PDE1C: variants seen among roughly 807,000 people sequenced by gnomAD.
The protein encoded by PDE1C is dual specificity calcium/calmodulin-dependent 3',5'-cyclic nucleotide phosphodiesterase 1C.
A neutral mutation model predicts 93.1 loss-of-function variants in PDE1C; 62 were observed. The ratio of observed to expected loss-of-function variants is 0.67; its 90% CI spans 0.54 to 0.82. PDE1C has a LOEUF of 0.82. Ranked by LOEUF, PDE1C falls within the 40% of genes least tolerant of loss-of-function variation. The pLI is 0.00. For synonymous variants in PDE1C, 325 were observed against 310.1 expected, an observed-to-expected ratio of 1.05 and a Z score of -0.50; for missense variants, 742 against 884.6, an observed-to-expected ratio of 0.84 and a Z score of 2.04.
intron 1 of PDE1C, among the ~76,000 whole-genome samples, chr7:32,244,251 TG>T (rs1808751616): frequency 6.6e-6 from 1 of 152,084 alleles, no homozygotes; most frequent in African/African-American, 2.4e-5. Flanking sequence ...TAGAGGTAGT[TG>T]GGGATGTAGT....
chr7:31,774,544 T>G (rs529002457), intron 17 of PDE1C, among the ~76,000 whole-genome samples: 86 of 152,212 alleles, frequency 5.7e-4, no homozygotes, highest in Non-Finnish European at 1.0e-3. Context: ...CTATGGTAAA[T>G]CCGTACTTAC....
chr7:32,283,306 T>C (rs1208935714), intron 1 of PDE1C, among the ~76,000 whole-genome samples: 2 of 152,136 alleles, frequency 1.3e-5, no homozygotes, highest in Non-Finnish European at 2.9e-5. Flanking sequence ...TTTGAAAAAA[T>C]AGTAATAAAT....
chr7:32,340,139 A>T (rs1243034766), intron 1 of PDE1C, among the ~76,000 whole-genome samples: 1 of 152,146 alleles, frequency 6.6e-6, no homozygotes, highest in Non-Finnish European at 1.5e-5. Flanking sequence ...AGCATTAAAT[A>T]TGTGAGTTGG....
chr7:32,313,156 C>T (rs1251459376), intron 1 of PDE1C, among the ~76,000 whole-genome samples: 1 of 152,084 alleles, frequency 6.6e-6, no homozygotes, highest in Non-Finnish European at 1.5e-5. Context: ...TGAAAAAATG[C>T]TCATCTTCAC....
At chr7:31,892,582 G>A (rs1353003277) in intron 2 of PDE1C, among the ~76,000 whole-genome samples, 1 of 152,102 alleles carries the variant, frequency 6.6e-6, no homozygotes, top group African/African-American at 2.4e-5. Context: ...ATGGCAGGCT[G>A]GCCATGAAGG....
rs535639586 is a variant in PDE1C, at chr7:32,355,431, A to G, written c.310+72391T>C. ...CTAGGTTGAGAGGGTTTTGACTGAA[A>G]CCAAAGAGAAGGCATCGTGGCACAC... On this transcript the variant is annotated intron_variant, in intron 1 of 1. Coordinates refer to the PDE1C transcript ENST00000672256. 1.7e-3 allele frequency among the ~76,000 whole-genome samples: 266 copies of G among 152,244 alleles called. 4 individuals are homozygous for G. The highest frequency in any genetic ancestry group is 2.4e-3 in the Non-Finnish European group (165 of 68,014).
At chr7:32,198,976 C>T (rs1427917481) in intron 2 of PDE1C, among the ~76,000 whole-genome samples, 5 of 151,794 alleles carry the variant, frequency 3.3e-5, no homozygotes, top group South Asian at 2.1e-4. Context: ...TACAACAATT[C>T]GCCGGGCATG....
intron 16 of PDE1C, among the ~76,000 whole-genome samples, chr7:31,807,467 C>A (rs879745232): frequency 6.6e-6 from 1 of 151,614 alleles, no homozygotes; most frequent in Admixed American, 6.6e-5. Context: ...TTACAAAGGG[C>A]GCAGTTAAAA....
At chr7:31,628,529 C>T in the PDE1C span, among the ~76,000 whole-genome samples, 1 of 151,446 alleles carries the variant, frequency 6.6e-6, no homozygotes, top group Non-Finnish European at 1.5e-5. Flanking sequence ...GCGACCTCAG[C>T]TCACTGCAAG....
the PDE1C span, among the ~76,000 whole-genome samples, chr7:31,672,907 G>A: frequency 6.6e-6 from 1 of 152,188 alleles, no homozygotes; most frequent in African/African-American, 2.4e-5. Flanking sequence ...TGCTGTTCTT[G>A]TGATACTGAG....
chr7:31,856,720 G>T (rs1325236152), intron 7 of PDE1C, among the ~76,000 whole-genome samples: 1 of 143,748 alleles, frequency 7.0e-6, no homozygotes, highest in Non-Finnish European at 1.5e-5. Flanking sequence ...TATTGTAGAA[G>T]CATGCCTAAT....
chr7:31,760,776 A>ACG (rs929087424), intron 17 of PDE1C, among the ~76,000 whole-genome samples: 3 of 151,892 alleles, frequency 2.0e-5, no homozygotes, highest in Non-Finnish European at 4.4e-5. Flanking sequence ...ACACACACAC[A>ACG]CACACACACA....
the PDE1C span, among the ~76,000 whole-genome samples, chr7:31,646,416 C>T: frequency 1.3e-5 from 2 of 152,260 alleles, no homozygotes; most frequent in East Asian, 3.9e-4. Flanking sequence ...AGAAGGATTG[C>T]AGCTTCTCCG....
At chr7:32,417,108 C>G (rs1174381106) in intron 1 of PDE1C, among the ~76,000 whole-genome samples, 1 of 152,062 alleles carries the variant, frequency 6.6e-6, no homozygotes. Flanking sequence ...TCAAAAGGAC[C>G]AAAGCTGCGA....
intron 2 of PDE1C, among the ~76,000 whole-genome samples, chr7:31,956,285 G>T (rs1307780528): frequency 6.6e-6 from 1 of 151,948 alleles, no homozygotes; most frequent in Non-Finnish European, 1.5e-5. Flanking sequence ...GTAGAGATGG[G>T]GTTTCACCAT....
intron 1 of PDE1C, among the ~76,000 whole-genome samples, chr7:32,362,297 G>A (rs1784151687): frequency 1.3e-5 from 2 of 152,060 alleles, no homozygotes; most frequent in South Asian, 4.1e-4. Context: ...GGGAGAATCT[G>A]GCTATCTTTC....
chr7:32,314,123 G>T (rs1783116817), intron 1 of PDE1C, among the ~76,000 whole-genome samples: 1 of 151,890 alleles, frequency 6.6e-6, no homozygotes, highest in East Asian at 1.9e-4. Context: ...TTTTTATGTG[G>T]CTTATTGTTG....
At chr7:31,808,621 A>G (rs1488106131) in intron 16 of PDE1C, among the ~76,000 whole-genome samples, 5 of 151,904 alleles carry the variant, frequency 3.3e-5, no homozygotes, top group Non-Finnish European at 7.4e-5. Flanking sequence ...TAGTTCAAGG[A>G]AAAAAAACAT....
chr7:31,976,257 T>C (rs1811649771), intron 2 of PDE1C, among the ~76,000 whole-genome samples: 1 of 152,210 alleles, frequency 6.6e-6, no homozygotes, highest in Non-Finnish European at 1.5e-5. Context: ...AAGAAATGTA[T>C]TCATTCAACA....
Sources: gnomAD v4.1 joint callset for allele counts (sites outside exome capture counted in the v4.1 genomes callset) on GRCh38, gnomAD v4.1.1 for gene constraint, MANE v1.5 for transcripts, NCBI Gene and HGNC (gene_info 2026-07-23, HGNC 2026-07-21) for gene names.